PTK2B: variants seen among roughly 807,000 people sequenced by gnomAD.
The protein encoded by PTK2B is protein tyrosine kinase 2 beta.
A neutral mutation model predicts 142.9 loss-of-function variants in PTK2B; 71 were observed. That is an observed-to-expected ratio of 0.50 (90% CI 0.41 to 0.61). PTK2B has a LOEUF of 0.61. Ranked by LOEUF, PTK2B falls within the 20% of genes least tolerant of loss-of-function variation. PTK2B has a pLI of 0.00. For synonymous variants in PTK2B, 519 were observed against 503.4 expected, an observed-to-expected ratio of 1.03 and a Z score of -0.42; for missense variants, 1,105 against 1,320.4, an observed-to-expected ratio of 0.84 and a Z score of 2.53.
chr8:27,317,941 C>G (rs1197543844), intron 3 of PTK2B, among the ~76,000 whole-genome samples: 1 of 152,168 alleles, frequency 6.6e-6, no homozygotes, highest in African/African-American at 2.4e-5. Context: ...TATTGAAGCA[C>G]TCAATTATTT....
At chr8:27,333,611 T>C (rs1416563883) in intron 1 of PTK2B, among the ~76,000 whole-genome samples, 1 of 152,194 alleles carries the variant, frequency 6.6e-6, no homozygotes, top group East Asian at 1.9e-4. Flanking sequence ...ATATAACTTA[T>C]GAGAACATCC....
Position 27,437,318 on chromosome 8 carries a change from A to C in PTK2B, c.1427-78A>C, listed in dbSNP as rs1024142430. ...TTGGAGGAGGGGTTCCCGTCCTCCC[A>C]GCTAGAAGAGCAAAGGCCTTTTCTG... On this transcript the variant is annotated intron_variant, in intron 16 of 30. Transcript: ENST00000346049. 22 of 1,549,498 alleles carry C rather than the reference A, an allele frequency of 1.4e-5. No individual in the cohort carries two copies. In the African/African-American group the frequency reaches 1.8e-4, roughly 13 times the overall value.
intron 1 of PTK2B, among the ~76,000 whole-genome samples, chr8:27,347,160 TGAG>T (rs1447619383): frequency 6.6e-6 from 1 of 150,984 alleles, no homozygotes; most frequent in East Asian, 1.9e-4. Flanking sequence ...GTGGATCACT[TGAG>T]GACAGGAGTT....
intron 1 of PTK2B, among the ~76,000 whole-genome samples, chr8:27,348,450 CA>C (rs1211409046): frequency 6.6e-6 from 1 of 152,192 alleles, no homozygotes; most frequent in African/African-American, 2.4e-5. Context: ...CGTGCACACA[CA>C]CCTCCTGGAA....
chr8:27,410,774 C>T (rs1809009467), intron 2 of PTK2B, among the ~76,000 whole-genome samples: 1 of 152,298 alleles, frequency 6.6e-6, no homozygotes, highest in East Asian at 1.9e-4. Context: ...ACAAGCCATC[C>T]GGTCCTGTTG....
intron 2 of PTK2B, among the ~76,000 whole-genome samples, chr8:27,417,038 A>T (rs907670293): frequency 6.6e-6 from 1 of 152,244 alleles, no homozygotes; most frequent in Admixed American, 6.5e-5. Flanking sequence ...AGTTGCTCAT[A>T]AAGTCAGACA....
intron 21 of PTK2B, among the ~76,000 whole-genome samples, chr8:27,441,303 G>T (rs906103271): frequency 1.3e-5 from 2 of 151,952 alleles, no homozygotes; most frequent in African/African-American, 4.8e-5. Flanking sequence ...ATTTTTTTCA[G>T]TCATTGAAAC....
chr8:27,375,113 G>A (rs1443266651), intron 1 of PTK2B, among the ~76,000 whole-genome samples: 1 of 152,222 alleles, frequency 6.6e-6, no homozygotes, highest in Admixed American at 6.5e-5. Flanking sequence ...GGGCTGATGG[G>A]AGTGGCATGA....
At chr8:27,424,781 T>C (rs1809973709) in intron 5 of PTK2B, among the ~76,000 whole-genome samples, 1 of 152,160 alleles carries the variant, frequency 6.6e-6, no homozygotes, top group Non-Finnish European at 1.5e-5. Context: ...TCCCAGAGTG[T>C]GGGGCTACCT....
chr8:27,434,723 T>C (rs1810668010), intron 13 of PTK2B, among the ~76,000 whole-genome samples, 164 bp downstream of exon 13: 1 of 152,170 alleles, frequency 6.6e-6, no homozygotes, highest in African/African-American at 2.4e-5. Flanking sequence ...GAATTATGGC[T>C]GGGTGCAGTG....
At chr8:27,346,864 G>A (rs534959008) in intron 1 of PTK2B, among the ~76,000 whole-genome samples, 72 of 152,310 alleles carry the variant, frequency 4.7e-4, no homozygotes, top group African/African-American at 1.5e-3. Flanking sequence ...TGAAGCTCAC[G>A]CTCCTTTGGT....
intron 1 of PTK2B, among the ~76,000 whole-genome samples, chr8:27,343,285 T>C (rs1473357123): frequency 6.6e-6 from 1 of 152,234 alleles, no homozygotes; most frequent in Non-Finnish European, 1.5e-5. Context: ...ATCTCTCAGT[T>C]GACATACAGC....
At chr8:27,362,588 C>G (rs1586162833) in intron 1 of PTK2B, among the ~76,000 whole-genome samples, 1 of 151,314 alleles carries the variant, frequency 6.6e-6, no homozygotes, top group African/African-American at 2.4e-5. Context: ...AAAGCAACAC[C>G]CCACCCCCAC....
At chr8:27,423,614 C>T (rs993996504) in intron 5 of PTK2B, among the ~76,000 whole-genome samples, 9 of 152,124 alleles carry the variant, frequency 5.9e-5, no homozygotes, top group African/African-American at 2.2e-4. Flanking sequence ...AACTGCATTT[C>T]CGGAGCCTTA....
intron 19 of PTK2B, 43 bp downstream of exon 19, chr8:27,439,174 G>T (rs778755112): frequency 1.9e-6 from 3 of 1,588,932 alleles, no homozygotes; most frequent in South Asian, 2.2e-5. Flanking sequence ...TGGAGGGGTC[G>T]CTGAAGCCAA....
chr8:27,438,888 C>A, intron 18 of PTK2B, 143 bp from the exon 19 acceptor site: 1 of 749,386 alleles, frequency 1.3e-6, no homozygotes, highest in Non-Finnish European at 2.2e-6. Context: ...CAGTGACCCA[C>A]AGAAGCTGCC....
Position 27,430,901 on chromosome 8 carries a change from A to C in PTK2B, c.695A>C (p.Gln232Pro), listed in dbSNP as rs888289185. Residue 232 changes from glutamine to proline, a missense_variant, in exon 8 of 31, where the codon CAG (glutamine) becomes CCG (proline). Coordinates refer to ENST00000346049, the MANE Select transcript of PTK2B (RefSeq NM_173176.3). ...LKPKQFRKMIQQTFQQYASLR... is the reference protein window; with the variant it reads ...LKPKQFRKMIPQTFQQYASLR... ...CCCAAACAGTTCCGGAAGATGATCC[A>C]GCAGACCTTCCAGCAGTACGCCTCG... 2 of 1,614,036 alleles carry C rather than the reference A, an allele frequency of 1.2e-6. No homozygotes were observed. Among genetic ancestry groups the C allele is most frequent in the Non-Finnish European group, 1.7e-6 (2 of 1,180,024 alleles).
At chr8:27,371,456 C>G (rs1806352441) in intron 1 of PTK2B, among the ~76,000 whole-genome samples, 1 of 152,072 alleles carries the variant, frequency 6.6e-6, no homozygotes, top group African/African-American at 2.4e-5. Context: ...TTTCTTAGCT[C>G]TGTTACCTTG....
chr8:27,422,496 G>A (rs976134498), intron 5 of PTK2B, 113 bp downstream of exon 5: 2 of 1,003,322 alleles, frequency 2.0e-6, no homozygotes, highest in Non-Finnish European at 2.8e-6. Context: ...GAGCCAGGAA[G>A]GGGAGAGGTG....
Sources: gnomAD v4.1 joint callset for allele counts (sites outside exome capture counted in the v4.1 genomes callset) on GRCh38, gnomAD v4.1.1 for gene constraint, MANE v1.5 for transcripts, NCBI Gene and HGNC (gene_info 2026-07-23, HGNC 2026-07-21) for gene names.